Variants in RIPOR2 observed in about 807,000 individuals in gnomAD.
RIPOR2 encodes the protein rho family-interacting cell polarization regulator 2.
In RIPOR2, 39 loss-of-function variants were observed where a neutral mutation model predicts 114.5. The observed-to-expected ratio is 0.34, with a 90% confidence interval of 0.26 to 0.44. The LOEUF is 0.44. Ranked by LOEUF, RIPOR2 falls within the 20% of genes least tolerant of loss-of-function variation. The probability of loss-of-function intolerance (pLI) is 1.00; values close to 1 mark genes in which losing one functional copy is unlikely to be tolerated. For synonymous variants in RIPOR2, 445 were observed against 484.4 expected (o/e 0.92, Z 1.07); for missense variants, 1,007 against 1,255.1 (o/e 0.80, Z 2.99).
intron 1 of RIPOR2, among the ~76,000 whole-genome samples, chr6:24,967,883 A>G (rs913163377): frequency 6.8e-6 from 1 of 146,342 alleles, no homozygotes; most frequent in Non-Finnish European, 1.5e-5. Flanking sequence ...ACCATGGACC[A>G]CCTGTCTTGG....
At chr6:24,976,349 A>T in intron 1 of RIPOR2, 1 of 1,002,234 alleles carries the variant, frequency 1.0e-6, no homozygotes. Context: ...TATTCTAGAA[A>T]ATATGATATT....
intron 1 of RIPOR2, among the ~76,000 whole-genome samples, chr6:24,971,466 G>T (rs1773784804): frequency 6.6e-6 from 1 of 152,224 alleles, no homozygotes; most frequent in Non-Finnish European, 1.5e-5. Context: ...GCCTGTTATG[G>T]CTCTTTTCTA....
intron 1 of RIPOR2, among the ~76,000 whole-genome samples, chr6:24,904,696 G>A (rs1251218468): frequency 6.6e-6 from 1 of 152,176 alleles, no homozygotes; most frequent in Non-Finnish European, 1.5e-5. Flanking sequence ...TTTTTCTGTA[G>A]TGGCTTCCTG....
chr6:24,901,122 C>T (rs2817725), intron 1 of RIPOR2, among the ~76,000 whole-genome samples: 79,280 of 152,038 alleles, frequency 0.52, 23,387 homozygotes, highest in African/African-American at 0.81. Flanking sequence ...TTACCATATG[C>T]AGAATCTTAT....
intron 21 of RIPOR2, among the ~76,000 whole-genome samples, chr6:24,807,787 A>C (rs1056730848): frequency 1.3e-4 from 20 of 152,168 alleles, no homozygotes; most frequent in African/African-American, 4.8e-4. Flanking sequence ...ACTAGTTGGT[A>C]AATAGTTGCA....
chr6:24,930,791 G>A (rs1456406829), intron 1 of RIPOR2, among the ~76,000 whole-genome samples: 1 of 152,228 alleles, frequency 6.6e-6, no homozygotes, highest in Non-Finnish European at 1.5e-5. Flanking sequence ...TGAAAGCAAA[G>A]AGTGACCAAT....
chr6:24,877,023 C>T (rs927746275), intron 1 of RIPOR2: 12 of 985,042 alleles, frequency 1.2e-5, no homozygotes, highest in Non-Finnish European at 1.3e-5. Context: ...TAGTTACTGC[C>T]CAGATTGAAG....
chr6:24,807,198 G>A (rs1227747813), intron 21 of RIPOR2, among the ~76,000 whole-genome samples: 1 of 143,540 alleles, frequency 7.0e-6, no homozygotes, highest in Non-Finnish European at 1.5e-5. Context: ...TGGGTGTGGT[G>A]GCTCACACCT....
At chr6:25,021,320 C>T (rs1426151307) in intron 1 of RIPOR2, among the ~76,000 whole-genome samples, 2 of 101,164 alleles carry the variant, frequency 2.0e-5, no homozygotes, top group Non-Finnish European at 3.9e-5. Context: ...GTGCTAGAGG[C>T]AGTGAGGAGA....
intron 1 of RIPOR2, among the ~76,000 whole-genome samples, chr6:25,016,198 T>C (rs1416360417): frequency 6.6e-6 from 1 of 151,828 alleles, no homozygotes; most frequent in Non-Finnish European, 1.5e-5. Context: ...AAGCCACCAC[T>C]CCCCGTCCTA....
At chr6:25,003,850 C>G (rs1775425701) in intron 1 of RIPOR2, among the ~76,000 whole-genome samples, 1 of 152,168 alleles carries the variant, frequency 6.6e-6, no homozygotes, top group South Asian at 2.1e-4. Context: ...CAGATACTTA[C>G]TTGTTCAAAT....
At chr6:24,844,968 C>T (rs972374470) in intron 12 of RIPOR2, among the ~76,000 whole-genome samples, 1 of 151,938 alleles carries the variant, frequency 6.6e-6, no homozygotes, top group Non-Finnish European at 1.5e-5. Context: ...GCTCCCCTTC[C>T]TCCTCCAGCT....
At chr6:24,940,364 G>T (rs143830411), upstream of RIPOR2, among the ~76,000 whole-genome samples, 7 of 152,176 alleles carry the variant, frequency 4.6e-5, no homozygotes, top group East Asian at 7.7e-4. Flanking sequence ...CTTTCAGAAA[G>T]TGTTTTAAAA....
At chr6:25,008,270 C>A (rs778062974) in intron 1 of RIPOR2, among the ~76,000 whole-genome samples, 1 of 152,116 alleles carries the variant, frequency 6.6e-6, no homozygotes, top group Non-Finnish European at 1.5e-5. Flanking sequence ...CCCGCCTCGG[C>A]CTCCCAAAGT....
In RIPOR2 at chr6:24,838,710, C is replaced by T. The variant is rs141334721; in HGVS notation, c.2039+381G>A. Among the ~76,000 whole-genome samples, 327 of 152,258 alleles carry T rather than the reference C, an allele frequency of 2.1e-3. 4 individuals carry two copies. The East Asian group carries it at 0.058, about 27-fold the overall frequency. On this transcript the variant is annotated intron_variant, in intron 14 of 21. Transcript: ENST00000643898. ...TCCGGAAGCTGAGGCAGGAGAATCGCTTGAACCTGGGAGGTGGAGGTTGTG... is the reference window on the plus strand; with the variant it reads ...TCCGGAAGCTGAGGCAGGAGAATCGTTTGAACCTGGGAGGTGGAGGTTGTG...
chr6:25,015,043 T>C (rs1775908803), intron 1 of RIPOR2: 1 of 152,212 alleles, frequency 6.6e-6, no homozygotes, highest in African/African-American at 2.4e-5. Flanking sequence ...CCAGTTCTGG[T>C]AGCCAGCAAG....
intron 1 of RIPOR2, among the ~76,000 whole-genome samples, chr6:24,895,435 CT>C (rs1045674980): frequency 6.8e-5 from 8 of 117,454 alleles, no homozygotes; most frequent in African/African-American, 3.8e-4. Flanking sequence ...GGCATACGTA[CT>C]TTAAAAAAAA....
At chr6:25,016,906 G>A (rs1335943967) in intron 1 of RIPOR2, among the ~76,000 whole-genome samples, 5 of 152,186 alleles carry the variant, frequency 3.3e-5, no homozygotes, top group Non-Finnish European at 5.9e-5. Context: ...CACATTCTGG[G>A]TGCTTCACTT....
chr6:24,974,428 A>C (rs1773941777), intron 1 of RIPOR2, among the ~76,000 whole-genome samples: 1 of 152,204 alleles, frequency 6.6e-6, no homozygotes, highest in African/African-American at 2.4e-5. Context: ...TATGTTCAAC[A>C]TCATTAGTCA....
Sources: gnomAD v4.1 joint callset for allele counts (sites outside exome capture counted in the v4.1 genomes callset) on GRCh38, gnomAD v4.1.1 for gene constraint, MANE v1.5 for transcripts, NCBI Gene and HGNC (gene_info 2026-07-23, HGNC 2026-07-21) for gene names.